MAGI2: variants seen among roughly 807,000 people sequenced by gnomAD.
MAGI2 encodes membrane-associated guanylate kinase, WW and PDZ domain-containing protein 2.
In MAGI2, 35 loss-of-function variants were observed where a neutral mutation model predicts 133.3. The observed-to-expected ratio is 0.26, with a 90% CI of 0.20 to 0.35. The LOEUF (loss-of-function observed/expected upper bound fraction) is 0.35. Among genes scored for constraint, MAGI2 ranks in the 10% least tolerant of loss-of-function variants. The pLI, the probability that MAGI2 is intolerant of heterozygous loss-of-function variation, is 1.00. For missense variants in MAGI2, 1,636 were observed against 1,863.4 expected (o/e 0.88, Z 2.25); for synonymous variants, 729 against 710.6 (o/e 1.03, Z -0.41).
At chr7:78,626,316 TATAA>T (rs970978253) in intron 3 of MAGI2, among the ~76,000 whole-genome samples, 83 of 152,324 alleles carry the variant, frequency 5.4e-4, no homozygotes, top group African/African-American at 1.7e-3. Context: ...ACTAGATGCA[TATAA>T]ATGTTACCCA....
intron 9 of MAGI2, among the ~76,000 whole-genome samples, chr7:78,305,771 T>C (rs1798201414): frequency 6.6e-6 from 1 of 152,194 alleles, no homozygotes; most frequent in Admixed American, 6.5e-5. Context: ...TCTCTATCTT[T>C]AAGCATACCT....
intron 1 of MAGI2, among the ~76,000 whole-genome samples, chr7:79,241,926 T>C (rs1412469555): frequency 6.6e-6 from 1 of 152,214 alleles, no homozygotes; most frequent in African/African-American, 2.4e-5. Context: ...GTTTTCCCTA[T>C]GATTTAATTC....
At chr7:78,208,155 T>TTTAA (rs1554499970) in intron 10 of MAGI2, among the ~76,000 whole-genome samples, 1 of 145,250 alleles carries the variant, frequency 6.9e-6, no homozygotes, top group Admixed American at 6.9e-5. Flanking sequence ...TTTTTTTTTT[T>TTTAA]AATATGGGGA....
intron 1 of MAGI2, among the ~76,000 whole-genome samples, chr7:79,097,592 C>T (rs1175329940): frequency 6.6e-6 from 1 of 152,116 alleles, no homozygotes; most frequent in Non-Finnish European, 1.5e-5. Flanking sequence ...AAGCAGATAA[C>T]AGAGGCTAAG....
At chr7:78,585,547 G>T (rs1803311197) in intron 3 of MAGI2, among the ~76,000 whole-genome samples, 1 of 152,134 alleles carries the variant, frequency 6.6e-6, no homozygotes, top group African/African-American at 2.4e-5. Context: ...AGAAGAAGGG[G>T]TATTTAAAAC....
At chr7:79,054,600 A>G (rs953943031) in intron 1 of MAGI2, among the ~76,000 whole-genome samples, 1 of 152,084 alleles carries the variant, frequency 6.6e-6, no homozygotes, top group African/African-American at 2.4e-5. Context: ...CATACCATAA[A>G]CTAGGCCTTG....
At chr7:79,189,687 G>A (rs1367322218) in intron 1 of MAGI2, among the ~76,000 whole-genome samples, 4 of 151,526 alleles carry the variant, frequency 2.6e-5, no homozygotes, top group Non-Finnish European at 5.9e-5. Context: ...ATAGCTCTAC[G>A]GATTTTGACA....
chr7:78,078,692 C>T (rs1240686749), intron 21 of MAGI2: 1 of 580,976 alleles, frequency 1.7e-6, no homozygotes, highest in East Asian at 3.0e-5. Context: ...CTGAAAGGTC[C>T]TACATTTCAT....
intron 1 of MAGI2, among the ~76,000 whole-genome samples, chr7:79,393,157 T>C (rs571299280): frequency 2.0e-5 from 3 of 152,286 alleles, no homozygotes; most frequent in African/African-American, 4.8e-5. Context: ...ATCTGTTTCA[T>C]TAAATGGCTG....
intron 1 of MAGI2, among the ~76,000 whole-genome samples, chr7:79,251,246 C>A (rs1028196364): frequency 2.6e-5 from 4 of 151,846 alleles, no homozygotes; most frequent in Non-Finnish European, 5.9e-5. Flanking sequence ...GGGATCCCAT[C>A]AAGTAAAAAA....
rs139874154 is a variant in MAGI2 at position 78,955,740 on chromosome 7, T to C, written c.418+51350A>G. 7.8e-3 allele frequency among the ~76,000 whole-genome samples: 410 copies of C among 52,858 alleles called. 4 individuals carry two copies. Among genetic ancestry groups the C allele is most frequent in the African/African-American group, 0.032 (387 of 11,966 alleles). The allele number at this position is 52,858 out of a possible 152,430, so 34.7% of individuals were successfully genotyped here. A position where few individuals can be genotyped will look rare whatever the true frequency, so the allele number is the denominator to read the frequency against. The stretch of plus-strand genomic sequence containing the variant: ...CTTTCTTTCTCTTTCTTTCTTTCTT[T>C]CTTTCTTTCTTTCTTTCTTTCTTTC... On this transcript the variant is annotated intron_variant, in intron 2 of 21. Coordinates refer to ENST00000354212, the MANE Select transcript of MAGI2 (RefSeq NM_012301.4).
chr7:79,000,860 G>A (rs148169795), intron 2 of MAGI2, among the ~76,000 whole-genome samples: 242 of 152,284 alleles, frequency 1.6e-3, no homozygotes, highest in African/African-American at 5.4e-3. Context: ...GTAACTCAGT[G>A]TAATTCAATC....
chr7:79,006,015 A>G (rs1584649259), intron 2 of MAGI2, among the ~76,000 whole-genome samples: 1 of 152,276 alleles, frequency 6.6e-6, no homozygotes, highest in East Asian at 1.9e-4. Context: ...TAACAATGGC[A>G]AAAGTCCACC....
In MAGI2 at chr7:78,160,533, T is replaced by A. The variant is rs568982489; in HGVS notation, c.2597-260A>T. 1.1e-4 allele frequency among the ~76,000 whole-genome samples: 17 copies of A among 152,350 alleles called. No homozygotes were observed. The South Asian group carries it at 3.5e-3, about 32-fold the overall frequency. On this transcript the variant is annotated intron_variant, in intron 15 of 21. Coordinates refer to ENST00000354212, the MANE Select transcript of MAGI2 (RefSeq NM_012301.4). ...TCCTCTGTGCTGTTACTGATTTATA[T>A]CTTCATCTCATGAGGACTGCAAACC... is the stretch of plus-strand genomic sequence containing the variant.
chr7:78,605,988 T>C (rs1389879635), intron 3 of MAGI2, among the ~76,000 whole-genome samples: 1 of 152,132 alleles, frequency 6.6e-6, no homozygotes, highest in Non-Finnish European at 1.5e-5. Flanking sequence ...GTATGAACTA[T>C]GGCAGGGACA....
At chr7:78,045,608 G>GT (rs896801099) in intron 21 of MAGI2, among the ~76,000 whole-genome samples, 1 of 152,120 alleles carries the variant, frequency 6.6e-6, no homozygotes, top group Non-Finnish European at 1.5e-5. Context: ...TAATGATGGC[G>GT]TTTTCATGAG....
In MAGI2 at chr7:78,410,728, A is replaced by ATCAC. The variant is rs575858591; in HGVS notation, c.1046-41519_1046-41516dup. On this transcript the variant is annotated intron_variant, in intron 6 of 21. Coordinates refer to ENST00000354212, the MANE Select transcript of MAGI2 (RefSeq NM_012301.4). ...AGAAAAAGAGTAAGATGGGAAAGGA[A>ATCAC]TCACTACCTGGGGGAAAAAAAAGCA... Among the ~76,000 whole-genome samples, 910 of 152,110 alleles carry ATCAC rather than the reference A, an allele frequency of 6.0e-3. 7 individuals are homozygous for ATCAC. The highest frequency in any genetic ancestry group is 0.021 in the African/African-American group (869 of 41,520).
intron 2 of MAGI2, among the ~76,000 whole-genome samples, chr7:78,740,652 T>C (rs1223731555): frequency 3.3e-5 from 5 of 152,202 alleles, no homozygotes; most frequent in African/African-American, 1.2e-4. Context: ...GTTTTTAGCA[T>C]CACTGATACT....
At chr7:78,420,054 C>T (rs766960734) in intron 6 of MAGI2, among the ~76,000 whole-genome samples, 1 of 152,118 alleles carries the variant, frequency 6.6e-6, no homozygotes, top group African/African-American at 2.4e-5. Context: ...ATTATTCAAA[C>T]CTTTTTGAGT....
Sources: gnomAD v4.1 joint callset for allele counts (sites outside exome capture counted in the v4.1 genomes callset) on GRCh38, gnomAD v4.1.1 for gene constraint, MANE v1.5 for transcripts, NCBI Gene and HGNC (gene_info 2026-07-23, HGNC 2026-07-21) for gene names.